Variants in TMEM132B observed in about 807,000 individuals in gnomAD.
TMEM132B encodes transmembrane protein 132B.
A neutral mutation model predicts 90.8 loss-of-function variants in TMEM132B; 18 were observed. The ratio of observed to expected loss-of-function variants is 0.20; its 90% CI spans 0.14 to 0.29. The LOEUF is 0.29. Ranked by LOEUF, TMEM132B falls within the 10% of genes least tolerant of loss-of-function variation. TMEM132B has a pLI of 1.00. For synonymous variants in TMEM132B, 504 were observed against 523.3 expected (o/e 0.96, Z 0.50); for missense variants, 1,096 against 1,326.8 (o/e 0.83, Z 2.70).
rs137967008 is a variant in TMEM132B, at chr12:125,407,808, C to T, written c.960-7723C>T. The stretch of plus-strand genomic sequence containing the variant: ...GTTCACCTGGAGACCTACCAGTGAA[C>T]GTGGGCAGTGGTGGAGCCACCATGT... On this transcript the variant is annotated intron_variant, in intron 2 of 8. Coordinates refer to ENST00000682704, the MANE Select transcript of TMEM132B (RefSeq NM_001366854.1). This position sits in a 1 kb window ranked among gnomAD's most constrained non-coding sequence, Gnocchi z 6.7. Among the ~76,000 whole-genome samples, 8 of 152,320 alleles carry T rather than the reference C, an allele frequency of 5.3e-5. No homozygotes were observed. Among genetic ancestry groups the T allele is most frequent in the African/African-American group, 1.4e-4 (6 of 41,566 alleles).
chr12:125,356,100 A>G (rs773216024), intron 2 of TMEM132B, among the ~76,000 whole-genome samples: 15 of 152,150 alleles, frequency 9.9e-5, no homozygotes, highest in Admixed American at 2.0e-4. Flanking sequence ...GCCCCCTCCA[A>G]ATATAATATC....
rs547179879 is a variant in TMEM132B, at chr12:125,639,632, A to T, written c.1438-4444A>T. Among the ~76,000 whole-genome samples the T allele has an allele frequency of 2.6e-5, 4 of 152,238 alleles. No individual in the cohort carries two copies. In the South Asian group the frequency reaches 8.4e-4, roughly 32 times the overall value. ...TGTGAAGAAGTACATTATATAACAG[A>T]GCAATCTGGTGCAATTAATACAGTT... On this transcript the variant is annotated intron_variant, in intron 5 of 8. Transcript: ENST00000682704.
Position 125,235,802 on chromosome 12 carries a change from C to CTTTTTTTTTTTT in TMEM132B, c.67+48945_67+48956dup, listed in dbSNP as rs61643412. On this transcript the variant is annotated intron_variant, in intron 1 of 8. Coordinates refer to ENST00000682704, the MANE Select transcript of TMEM132B (RefSeq NM_001366854.1). ...TGTAATGTTTATCAGCACTTCATTC[C>CTTTTTTTTTTTT]TTTTTTTTTTTTTTTTTTTTGGAGA... Among the ~76,000 whole-genome samples the CTTTTTTTTTTTT allele has an allele frequency of 2.8e-5, 3 of 107,416 alleles. 1 individual carries two copies. The highest frequency in any genetic ancestry group is 2.4e-4 in the Admixed American group (2 of 8,460). 70.5% of individuals were successfully genotyped at this position (107,416 alleles called of 152,430 possible). A position where few individuals can be genotyped will look rare whatever the true frequency, so the allele number is the denominator to read the frequency against.
intron 1 of TMEM132B, among the ~76,000 whole-genome samples, chr12:125,218,622 G>T (rs1372701888): frequency 6.6e-6 from 1 of 152,146 alleles, no homozygotes; most frequent in Non-Finnish European, 1.5e-5. Context: ...GTACAAAAAG[G>T]TCAGTGTGAA....
chr12:125,472,252 C>T lies in TMEM132B; in HGVS notation c.1107-47187C>T, dbSNP rs575444457. Among the ~76,000 whole-genome samples the T allele has an allele frequency of 5.3e-5, 8 of 152,266 alleles. No homozygotes were observed. The East Asian group carries it at 1.4e-3, about 26-fold the overall frequency. On this transcript the variant is annotated intron_variant, in intron 3 of 8. Coordinates refer to ENST00000682704, the MANE Select transcript of TMEM132B (RefSeq NM_001366854.1). ...GCCACAGCAGTGCAGGGGGGTACAG[C>T]GATCACCCAGCATCTGAGGATGTGT...
chr12:125,252,794 G>A (rs1000823313), intron 1 of TMEM132B, among the ~76,000 whole-genome samples: 17 of 152,138 alleles, frequency 1.1e-4, no homozygotes, highest in South Asian at 6.2e-4. Context: ...GTTCCTCCCC[G>A]TTTCCCAGCT....
chr12:125,233,774 C>T (rs2136085037), intron 1 of TMEM132B, among the ~76,000 whole-genome samples: 1 of 152,308 alleles, frequency 6.6e-6, no homozygotes, highest in East Asian at 1.9e-4. Context: ...TGCAGAGCTT[C>T]TCAGCCACTG....
At chr12:125,346,834 A>G (rs2136228697) in intron 1 of TMEM132B, among the ~76,000 whole-genome samples, 1 of 152,358 alleles carries the variant, frequency 6.6e-6, no homozygotes, top group African/African-American at 2.4e-5. Flanking sequence ...AAAGGAAGTT[A>G]TGAGGTCGTT....
At chr12:125,600,255 A>G (rs1885539387) in intron 5 of TMEM132B, among the ~76,000 whole-genome samples, 1 of 152,162 alleles carries the variant, frequency 6.6e-6, no homozygotes, top group South Asian at 2.1e-4. Flanking sequence ...ACATGAGACA[A>G]TGTAGTTGAA....
At chr12:125,189,055 G>A (rs1017502539) in intron 1 of TMEM132B, among the ~76,000 whole-genome samples, 1 of 151,992 alleles carries the variant, frequency 6.6e-6, no homozygotes, top group African/African-American at 2.4e-5. Flanking sequence ...AGGCAAAGAT[G>A]CGCACACTGT....
intron 2 of TMEM132B, among the ~76,000 whole-genome samples, chr12:125,377,727 C>T (rs978341821): frequency 2.6e-5 from 4 of 152,070 alleles, no homozygotes; most frequent in Non-Finnish European, 2.9e-5. Flanking sequence ...TGGAGTTGGA[C>T]AGATCCCTTA....
chr12:125,508,347 A>G (rs1042386261), intron 3 of TMEM132B, among the ~76,000 whole-genome samples: 19 of 152,132 alleles, frequency 1.2e-4, no homozygotes, highest in African/African-American at 3.9e-4. Flanking sequence ...TGGTCATCTC[A>G]TTGTTACAGT....
At position 125,571,868 on chromosome 12, in the gene TMEM132B, C is replaced by T. The variant is rs145080503; in HGVS notation, c.1294-11983C>T. Among the ~76,000 whole-genome samples the T allele has an allele frequency of 6.3e-3, 966 of 152,320 alleles. 10 individuals carry two copies. Among genetic ancestry groups the T allele is most frequent in the African/African-American group, 0.022 (916 of 41,560 alleles). On this transcript the variant is annotated intron_variant, in intron 4 of 8. Transcript: ENST00000682704. ...AATGAATGTCAATGCAAAGTGTTATCTTGTTCCCAGACCATATTCAAATTT... is the reference window on the plus strand; with the variant it reads ...AATGAATGTCAATGCAAAGTGTTATTTTGTTCCCAGACCATATTCAAATTT...
chr12:125,527,764 C>T (rs1400588577), intron 4 of TMEM132B, among the ~76,000 whole-genome samples: 1 of 152,180 alleles, frequency 6.6e-6, no homozygotes, highest in African/African-American at 2.4e-5. Flanking sequence ...ATCCACCTTC[C>T]ATCTACGCAT....
intron 1 of TMEM132B, among the ~76,000 whole-genome samples, chr12:125,308,453 T>G (rs1876046758): frequency 6.6e-6 from 1 of 152,122 alleles, no homozygotes; most frequent in South Asian, 2.1e-4. Flanking sequence ...TTGGCTAATA[T>G]CCTGTTATCT....
At chr12:125,640,927 T>TAGAC (rs945390055) in intron 5 of TMEM132B, among the ~76,000 whole-genome samples, 1 of 111,056 alleles carries the variant, frequency 9.0e-6, no homozygotes, top group Non-Finnish European at 1.8e-5. Context: ...GTAGGAGAAA[T>TAGAC]AGACACACAC....
At position 125,337,995 on chromosome 12, in the gene TMEM132B, C is replaced by T. The variant is rs148269926; in HGVS notation, c.68-11457C>T. On this transcript the variant is annotated intron_variant, in intron 1 of 8. Coordinates refer to ENST00000682704, the MANE Select transcript of TMEM132B (RefSeq NM_001366854.1). ...TTGAGTTAATAAATGTAGACAGCAG[C>T]GCTCTCTCTATAAAAGATGAGGATT... is the stretch of plus-strand genomic sequence containing the variant. Among the ~76,000 whole-genome samples, 20 of 152,342 alleles carry T rather than the reference C, an allele frequency of 1.3e-4. No homozygotes were observed. The South Asian group carries it at 1.4e-3, about 11-fold the overall frequency.
chr12:125,640,115 C>T (rs998152614), intron 5 of TMEM132B, among the ~76,000 whole-genome samples: 4 of 152,128 alleles, frequency 2.6e-5, no homozygotes, highest in African/African-American at 9.7e-5. Context: ...GGAGGAGGCG[C>T]CACTTTCGGT....
intron 5 of TMEM132B, among the ~76,000 whole-genome samples, chr12:125,590,614 C>T (rs1035292534): frequency 2.0e-5 from 3 of 152,198 alleles, no homozygotes; most frequent in East Asian, 3.9e-4. Context: ...ACAAATACTT[C>T]CTAATCATCC....
Sources: allele counts gnomAD v4.1 joint callset (sites outside exome capture counted in the v4.1 genomes callset), GRCh38; gene constraint gnomAD v4.1.1; non-coding constraint Gnocchi (gnomAD v3.1); transcripts MANE v1.5; gene names NCBI Gene and HGNC (gene_info 2026-07-23, HGNC 2026-07-21).